Variants in NIPSNAP1 observed in about 807,000 individuals in gnomAD.
NIPSNAP1 encodes protein NipSnap homolog 1.
A neutral mutation model predicts 49.2 loss-of-function variants in NIPSNAP1; 25 were observed. The ratio of observed to expected loss-of-function variants is 0.51; its 90% CI spans 0.37 to 0.71. The LOEUF (loss-of-function observed/expected upper bound fraction) is 0.71. NIPSNAP1 is among the 30% of genes least tolerant of loss of function. The pLI, the probability that NIPSNAP1 is intolerant of heterozygous loss-of-function variation, is 0.00. For synonymous variants in NIPSNAP1, 143 were observed against 140.7 expected (o/e 1.02, Z -0.12); for missense variants, 294 against 361.0 (o/e 0.81, Z 1.50).
intron 1 of NIPSNAP1, chr22:29,579,965 G>A (rs1212059884): frequency 4.2e-6 from 3 of 710,838 alleles, no homozygotes; most frequent in African/African-American, 1.9e-5. Flanking sequence ...CTGTCCAAAA[G>A]CCCCACTGCT....
Position 29,561,584 on chromosome 22 carries a change from G to A in NIPSNAP1, c.501C>T (p.Leu167=). The A allele has an allele frequency of 6.2e-7, 1 of 1,614,068 alleles. No homozygotes were observed. The highest frequency in any genetic ancestry group is 8.5e-7 in the Non-Finnish European group (1 of 1,180,002). The change falls in exon 6 of 10, where the codon CTC becomes CTT. Residue 167 remains leucine, a synonymous_variant. Transcript: ENST00000216121. ...QMLLSRRNQL[L]LEFSFWNEPQ... Reference sequence around the variant, plus strand: ...GCTCATTCCAGAAGCTGAACTCGAGGAGCAGCTGGTTTCTCCTGGACAGCA... The same window carrying A: ...GCTCATTCCAGAAGCTGAACTCGAGAAGCAGCTGGTTTCTCCTGGACAGCA...
At position 29,561,498 on chromosome 22, in the gene NIPSNAP1, G is replaced by A. The variant is rs2146603607; in HGVS notation, c.579+8C>T. 1 of 1,613,936 alleles carries A rather than the reference G, an allele frequency of 6.2e-7. No homozygotes were observed. Among genetic ancestry groups the A allele is most frequent in the African/African-American group, 1.3e-5 (1 of 75,024 alleles). ...GGGGGCAGGAGGGGGTCTGTCGGAG[G>A]GAGGCACCTTGAGCTTGTATGTCCT... On this transcript the variant is annotated splice_region_variant and intron_variant, in intron 6 of 9. Coordinates refer to ENST00000216121, the MANE Select transcript of NIPSNAP1 (RefSeq NM_003634.4).
intron 8 of NIPSNAP1, 38 bp downstream of exon 8, chr22:29,560,696 A>G: frequency 6.5e-7 from 1 of 1,529,026 alleles, no homozygotes; most frequent in Non-Finnish European, 9.1e-7. Flanking sequence ...ACAGAGAAAG[A>G]GAACTAACAA....
At chr22:29,562,543 T>G (rs1271994601) in intron 4 of NIPSNAP1, among the ~76,000 whole-genome samples, 101 of 151,960 alleles carry the variant, frequency 6.6e-4, no homozygotes, top group Non-Finnish European at 2.9e-5. Context: ...AATACAAAAT[T>G]AGCCAGGTGT....
At chr22:29,558,778 G>T in intron 9 of NIPSNAP1, 92 bp downstream of exon 9, 1 of 951,674 alleles carries the variant, frequency 1.1e-6, no homozygotes, top group Non-Finnish European at 1.7e-6. Context: ...CCCCATCACT[G>T]GAGGTAATCA....
At chr22:29,579,983 G>GT in intron 1 of NIPSNAP1, 1 of 917,550 alleles carries the variant, frequency 1.1e-6, no homozygotes, top group Non-Finnish European at 1.6e-6. Context: ...GCTCTGTGCT[G>GT]TAACATCTCA....
At chr22:29,566,470 C>T (rs557145769) in intron 4 of NIPSNAP1, among the ~76,000 whole-genome samples, 4 of 152,168 alleles carry the variant, frequency 2.6e-5, no homozygotes, top group African/African-American at 9.6e-5. Flanking sequence ...AGGTGAGCAC[C>T]TTGGCACACA....
intron 8 of NIPSNAP1, among the ~76,000 whole-genome samples, chr22:29,559,369 T>C (rs1047187277): frequency 1.2e-4 from 19 of 152,166 alleles, no homozygotes; most frequent in African/African-American, 4.3e-4. Flanking sequence ...AGCGAAACTC[T>C]GTACTAAAAA....
chr22:29,569,002 G>C (rs2064387348), intron 4 of NIPSNAP1, among the ~76,000 whole-genome samples, 191 bp downstream of exon 4: 1 of 152,168 alleles, frequency 6.6e-6, no homozygotes, highest in African/African-American at 2.4e-5. Flanking sequence ...GGAGTCACAG[G>C]CTTCACGGGT....
At chr22:29,574,872 A>G (rs2097863723) in intron 1 of NIPSNAP1, among the ~76,000 whole-genome samples, 1 of 151,746 alleles carries the variant, frequency 6.6e-6, no homozygotes, top group Admixed American at 6.6e-5. Context: ...TAAGCCAGGG[A>G]TCTGTGATGT....
intron 6 of NIPSNAP1, 134 bp downstream of exon 6, chr22:29,561,370 CAT>C (rs1284953201): frequency 2.2e-5 from 32 of 1,447,150 alleles, no homozygotes; most frequent in South Asian, 3.4e-5. Flanking sequence ...TGTTTGCACA[CAT>C]GTGTATACAA....
In NIPSNAP1 at chr22:29,581,096, A is replaced by T; in HGVS notation, c.-14T>A. 6.5e-7 allele frequency: 1 copy of T among 1,540,540 alleles called. No individual in the cohort carries two copies. Among genetic ancestry groups the T allele is most frequent in the Non-Finnish European group, 8.7e-7 (1 of 1,145,760 alleles). On this transcript the variant is annotated 5_prime_UTR_variant, in exon 1 of 10. Transcript: ENST00000216121. ...CCGCGGAGCCATGTTGGAGCCGCAA[A>T]GGTTGCAGGAAGGCCCCGCCCCCAA...
At position 29,555,853 on chromosome 22, in the gene NIPSNAP1, C is replaced by G; in HGVS notation, c.*82G>C. 1 of 1,337,824 alleles carries G rather than the reference C, an allele frequency of 7.5e-7. No individual in the cohort carries two copies. Among genetic ancestry groups the G allele is most frequent in the Non-Finnish European group, 1.1e-6 (1 of 952,194 alleles). The allele number at this position is 1,337,824 out of a possible 1,614,324, so 82.9% of individuals were successfully genotyped here. On this transcript the variant is annotated 3_prime_UTR_variant, in exon 10 of 10. Transcript: ENST00000216121. ...GAGTCCTCCCAGAGCCAAGACAAAA[C>G]CAAGACAGCAGGACCAGGAGTGCCA...
chr22:29,579,176 G>A (rs973817224), intron 1 of NIPSNAP1, among the ~76,000 whole-genome samples: 2 of 150,094 alleles, frequency 1.3e-5, no homozygotes, highest in African/African-American at 5.0e-5. Flanking sequence ...GGGTTCAATT[G>A]ATTCTCCTGC....
chr22:29,571,218 G>A (rs1173521082), intron 1 of NIPSNAP1, among the ~76,000 whole-genome samples: 1 of 152,172 alleles, frequency 6.6e-6, no homozygotes, highest in Non-Finnish European at 1.5e-5. Context: ...AGGGGTCTCT[G>A]GAAGAGCCCA....
At chr22:29,578,812 G>C (rs2064474871) in intron 1 of NIPSNAP1, among the ~76,000 whole-genome samples, 1 of 151,280 alleles carries the variant, frequency 6.6e-6, no homozygotes. Flanking sequence ...AGGGGCAGCA[G>C]GCTGACTCTG....
intron 3 of NIPSNAP1, 83 bp downstream of exon 3, chr22:29,570,079 G>T: frequency 9.6e-7 from 1 of 1,045,994 alleles, no homozygotes; most frequent in Non-Finnish European, 1.5e-6. Context: ...GAAAAGAACA[G>T]GGTGGAGGAT....
intron 1 of NIPSNAP1, 97 bp downstream of exon 1, chr22:29,580,888 G>T: frequency 2.0e-6 from 2 of 979,348 alleles, no homozygotes; most frequent in Non-Finnish European, 2.9e-6. Context: ...CAGATTCCAA[G>T]CGAGGAGTCT....
chr22:29,569,539 G>C (rs2064391807), intron 3 of NIPSNAP1, among the ~76,000 whole-genome samples: 1 of 151,954 alleles, frequency 6.6e-6, no homozygotes, highest in Admixed American at 6.6e-5. Context: ...CCAGTAGTTT[G>C]AGACCAGCCT....
Sources: allele counts gnomAD v4.1 joint callset (sites outside exome capture counted in the v4.1 genomes callset), GRCh38; gene constraint gnomAD v4.1.1; transcripts MANE v1.5; gene names NCBI Gene and HGNC (gene_info 2026-07-23, HGNC 2026-07-21).